The following SNAP23 variants were observed in gnomAD, a reference collection of about 807,000 sequenced individuals.
SNAP23 encodes synaptosomal-associated protein 23.
SNAP23 carries 11 observed loss-of-function variants against 29.0 expected under a neutral mutation model. That is an observed-to-expected ratio of 0.38 (90% CI 0.24 to 0.63). SNAP23 has a LOEUF of 0.63. Among genes scored for constraint, SNAP23 ranks in the 20% least tolerant of loss-of-function variants. SNAP23 has a pLI of 0.58. For synonymous variants in SNAP23, 60 were observed against 82.9 expected, an observed-to-expected ratio of 0.72 and a Z score of 1.50; for missense variants, 220 against 253.9, an observed-to-expected ratio of 0.87 and a Z score of 0.91.
chr15:42,516,110 A>C (rs958730840), intron 5 of SNAP23, among the ~76,000 whole-genome samples: 2 of 151,398 alleles, frequency 1.3e-5, no homozygotes, highest in African/African-American at 4.8e-5. Flanking sequence ...ATTGGAGTGG[A>C]GTATAAAAAG....
At chr15:42,503,208 G>A (rs73404714) in intron 1 of SNAP23, among the ~76,000 whole-genome samples, 16,378 of 151,860 alleles carry the variant, frequency 0.11, 1,054 homozygotes, top group South Asian at 0.17. Flanking sequence ...TTGTTTTTTC[G>A]TGTTGTTTTT....
At position 42,528,403 on chromosome 15, in the gene SNAP23, T is replaced by TGG. The variant is rs2057527010; in HGVS notation, c.409_410dup (p.Gly138ValfsTer7). ...AGCAACCAACAACGGGAGCAGCCAG[T>TGG]GGTGGATACATTAAACGGTATGCCA... On this transcript the variant is annotated frameshift_variant, in exon 6 of 8. Coordinates refer to ENST00000249647, the MANE Select transcript of SNAP23 (RefSeq NM_003825.4). LOFTEE classifies it high-confidence loss of function. The TGG allele has an allele frequency of 5.6e-6, 9 of 1,614,136 alleles. No homozygotes were observed. Among genetic ancestry groups the TGG allele is most frequent in the Non-Finnish European group, 7.6e-6 (9 of 1,180,006 alleles).
At chr15:42,506,054 T>C (rs969567970) in intron 1 of SNAP23, among the ~76,000 whole-genome samples, 123 of 151,452 alleles carry the variant, frequency 8.1e-4, no homozygotes, top group African/African-American at 2.8e-3. Flanking sequence ...CAAACGATTC[T>C]CCTGCCTCAG....
At chr15:42,518,581 A>G (rs1168696672) in intron 5 of SNAP23, among the ~76,000 whole-genome samples, 2 of 151,582 alleles carry the variant, frequency 1.3e-5, no homozygotes, top group African/African-American at 2.4e-5. Context: ...CACCACACCC[A>G]GCTAATTTTG....
intron 5 of SNAP23, among the ~76,000 whole-genome samples, chr15:42,526,751 A>G (rs2057506566): frequency 6.6e-6 from 1 of 152,174 alleles, no homozygotes; most frequent in East Asian, 1.9e-4. Context: ...TAATCAAGAA[A>G]AGTTTTGTGT....
At chr15:42,518,434 T>C (rs935227607) in intron 5 of SNAP23, among the ~76,000 whole-genome samples, 10 of 133,354 alleles carry the variant, frequency 7.5e-5, no homozygotes, top group South Asian at 2.1e-4. Flanking sequence ...TTCTTTCTCT[T>C]TTTTTTTTTT....
chr15:42,517,085 A>G (rs2057403040), intron 5 of SNAP23, among the ~76,000 whole-genome samples: 1 of 152,158 alleles, frequency 6.6e-6, no homozygotes, highest in Admixed American at 6.6e-5. Context: ...ATACTCAGCT[A>G]ATTTTTATAT....
intron 1 of SNAP23, 46 bp from the exon 2 acceptor site, chr15:42,511,786 TC>T: frequency 8.4e-7 from 1 of 1,183,760 alleles, no homozygotes; most frequent in Non-Finnish European, 1.2e-6. Context: ...CTTTTATATA[TC>T]CTTATTCTTA....
intron 1 of SNAP23, among the ~76,000 whole-genome samples, chr15:42,510,077 A>T (rs200815925): frequency 1.3e-5 from 2 of 151,914 alleles, no homozygotes; most frequent in African/African-American, 2.4e-5. Flanking sequence ...TCAAAAAAAT[A>T]AAAAAAATAA....
At chr15:42,514,439 G>T (rs1359552143) in intron 4 of SNAP23, among the ~76,000 whole-genome samples, 1 of 151,824 alleles carries the variant, frequency 6.6e-6, no homozygotes, top group Non-Finnish European at 1.5e-5. Flanking sequence ...GTGAGCCACC[G>T]TGTCTGGCCA....
At chr15:42,512,871 T>C (rs1164243782) in intron 2 of SNAP23, 84 bp from the exon 3 acceptor site, 2 of 1,030,818 alleles carry the variant, frequency 1.9e-6, no homozygotes, top group East Asian at 2.4e-5. Context: ...TTTTTAAAGA[T>C]AGAATAGCAT....
upstream of SNAP23, chr15:42,491,542 G>C (rs1482757849): frequency 1.3e-5 from 2 of 152,200 alleles, no homozygotes; most frequent in Non-Finnish European, 2.9e-5. Context: ...TCAGATCTTG[G>C]ACTAGCTACG....
chr15:42,509,232 T>G lies in SNAP23; in HGVS notation c.-14-2601T>G, dbSNP rs531732673. 2.6e-5 allele frequency among the ~76,000 whole-genome samples: 4 copies of G among 152,306 alleles called. No homozygotes were observed. The East Asian group carries it at 5.8e-4, about 22-fold the overall frequency. On this transcript the variant is annotated intron_variant, in intron 1 of 7. Coordinates refer to ENST00000249647, the MANE Select transcript of SNAP23 (RefSeq NM_003825.4). The stretch of plus-strand genomic sequence containing the variant: ...GGACATGTGTATGTATGATAAAGCT[T>G]AAGACTCAAACAATTAGCAAATTAA...
At position 42,528,174 on chromosome 15, in the gene SNAP23, T is replaced by C. The variant is rs1157147317; in HGVS notation, c.267-88T>C. 7 of 1,097,550 alleles carry C rather than the reference T, an allele frequency of 6.4e-6. No homozygotes were observed. In the East Asian group the frequency reaches 1.7e-4, roughly 26 times the overall value. The allele number at this position is 1,097,550 out of a possible 1,614,324, so 68.0% of individuals were successfully genotyped here. A position where few individuals can be genotyped will look rare whatever the true frequency, so the allele number is the denominator to read the frequency against. ...GCAGCTTTTCTACTAGAGTTATTAG[T>C]GTCATCCTCAAGGTAACAGGCACTA... On this transcript the variant is annotated intron_variant, in intron 5 of 7. Coordinates refer to ENST00000249647, the MANE Select transcript of SNAP23 (RefSeq NM_003825.4).
chr15:42,528,541 A>C (rs1199595130), intron 6 of SNAP23, 121 bp downstream of exon 6: 8 of 1,008,396 alleles, frequency 7.9e-6, no homozygotes, highest in African/African-American at 1.6e-5. Flanking sequence ...TCCATTTTTA[A>C]AATGCATTTA....
At chr15:42,501,458 G>A (rs2057269310) in intron 1 of SNAP23, among the ~76,000 whole-genome samples, 1 of 152,154 alleles carries the variant, frequency 6.6e-6, no homozygotes, top group Admixed American at 6.5e-5. Flanking sequence ...GGGGTGCAAT[G>A]GCATGATCAT....
chr15:42,497,069 C>G (rs2057225775), intron 1 of SNAP23, among the ~76,000 whole-genome samples: 1 of 147,646 alleles, frequency 6.8e-6, no homozygotes, highest in South Asian at 2.1e-4. Flanking sequence ...GAGATGGAGT[C>G]TCACACTCTG....
chr15:42,500,538 G>A (rs866709576), intron 1 of SNAP23, among the ~76,000 whole-genome samples: 4 of 151,790 alleles, frequency 2.6e-5, no homozygotes, highest in African/African-American at 4.8e-5. Context: ...ACAGGCATGC[G>A]CCACCACGCC....
chr15:42,510,736 G>C (rs1297865931), intron 1 of SNAP23, among the ~76,000 whole-genome samples: 1 of 152,286 alleles, frequency 6.6e-6, no homozygotes, highest in East Asian at 1.9e-4. Context: ...GCTTATCAAA[G>C]AGTATATCCA....
Sources: gnomAD v4.1 joint callset for allele counts (sites outside exome capture counted in the v4.1 genomes callset) on GRCh38, gnomAD v4.1.1 for gene constraint, MANE v1.5 for transcripts, NCBI Gene and HGNC (gene_info 2026-07-23, HGNC 2026-07-21) for gene names.